The following C1orf87 variants were observed in gnomAD, a reference collection of about 807,000 sequenced individuals.
C1orf87 encodes uncharacterized protein C1orf87.
In C1orf87, 58 loss-of-function variants were observed where a neutral mutation model predicts 60.5. The ratio of observed to expected loss-of-function variants is 0.96; its 90% CI spans 0.78 to 1.19. The LOEUF is 1.19. Among genes scored for constraint, C1orf87 ranks in the 50% most tolerant of loss-of-function variants. The pLI is 0.00. For synonymous variants in C1orf87, 236 were observed against 227.4 expected (o/e 1.04, Z -0.34); for missense variants, 673 against 638.6 (o/e 1.05, Z -0.58).
intron 9 of C1orf87, among the ~76,000 whole-genome samples, chr1:60,005,341 C>A (rs1645036257): frequency 6.6e-6 from 1 of 151,996 alleles, no homozygotes; most frequent in African/African-American, 2.4e-5. Context: ...ATGCTGGGCA[C>A]TATAGGACAG....
intron 2 of C1orf87, among the ~76,000 whole-genome samples, chr1:60,063,574 A>G (rs1203491620): frequency 6.6e-6 from 1 of 151,866 alleles, no homozygotes; most frequent in Non-Finnish European, 1.5e-5. Context: ...TCCTCTCCCC[A>G]TTCCCCACCG....
At chr1:60,055,489 C>T (rs764366488) in intron 2 of C1orf87, 51 bp from the exon 3 acceptor site, 2 of 1,505,226 alleles carry the variant, frequency 1.3e-6, no homozygotes, top group Middle Eastern at 1.7e-4. Context: ...ACTCCTCATA[C>T]ACTAGGCTGG....
At chr1:60,067,773 T>C (rs767790259) in intron 2 of C1orf87, among the ~76,000 whole-genome samples, 28 of 152,076 alleles carry the variant, frequency 1.8e-4, no homozygotes, top group Admixed American at 2.6e-4. Flanking sequence ...TTGCTTTTGG[T>C]AGTTTAGTCA....
At chr1:60,058,118 T>C (rs553234951) in intron 2 of C1orf87, among the ~76,000 whole-genome samples, 1 of 152,350 alleles carries the variant, frequency 6.6e-6, no homozygotes, top group East Asian at 1.9e-4. Context: ...GAAATTTAAA[T>C]TTCATTTGGT....
chr1:60,062,623 T>G (rs911450668), intron 2 of C1orf87, among the ~76,000 whole-genome samples: 23 of 152,300 alleles, frequency 1.5e-4, no homozygotes, highest in Admixed American at 1.4e-3. Flanking sequence ...TCCTTTTTAT[T>G]TCTTCTATTT....
intron 3 of C1orf87, among the ~76,000 whole-genome samples, chr1:60,045,203 G>C (rs1645357480): frequency 6.6e-6 from 1 of 152,128 alleles, no homozygotes; most frequent in African/African-American, 2.4e-5. Context: ...TTTAGACCAA[G>C]GTACTGGGGT....
intron 11 of C1orf87, among the ~76,000 whole-genome samples, chr1:59,993,653 G>A (rs527282625): frequency 6.6e-6 from 1 of 152,046 alleles, no homozygotes; most frequent in East Asian, 1.9e-4. Context: ...CTGTCATTAG[G>A]GGATGCCCAG....
intron 3 of C1orf87, among the ~76,000 whole-genome samples, chr1:60,053,318 C>A (rs1645427779): frequency 1.3e-5 from 2 of 152,192 alleles, no homozygotes. Context: ...TGTGGGTCTG[C>A]CACTTCTCAG....
intron 3 of C1orf87, among the ~76,000 whole-genome samples, chr1:60,044,912 T>G (rs1645355072): frequency 6.6e-6 from 1 of 152,166 alleles, no homozygotes; most frequent in East Asian, 1.9e-4. Flanking sequence ...GATGTTTGCC[T>G]AAAAGAACTG....
chr1:60,029,860 C>T (rs532149494), intron 7 of C1orf87, among the ~76,000 whole-genome samples: 1 of 151,944 alleles, frequency 6.6e-6, no homozygotes, highest in South Asian at 2.1e-4. Flanking sequence ...AGGATGGTCT[C>T]CATCTGTTGA....
At position 60,064,725 on chromosome 1, in the gene C1orf87, T is replaced by G. The variant is rs541430546; in HGVS notation, c.107+7812A>C. Reference sequence around the variant, plus strand: ...TTATTTCAATATATATAAATATATTTAAATATATTTAAATAGAATATTAAA... The same window carrying G: ...TTATTTCAATATATATAAATATATTGAAATATATTTAAATAGAATATTAAA... On this transcript the variant is annotated intron_variant, in intron 2 of 11. Coordinates refer to ENST00000371201, the MANE Select transcript of C1orf87 (RefSeq NM_152377.3). Among the ~76,000 whole-genome samples the G allele has an allele frequency of 1.9e-4, 19 of 99,400 alleles. No homozygotes were observed. In the South Asian group the frequency reaches 5.0e-3, roughly 26 times the overall value. 65.2% of individuals were successfully genotyped at this position (99,400 alleles called of 152,430 possible).
At chr1:60,032,036 G>T (rs969359321) in intron 7 of C1orf87, among the ~76,000 whole-genome samples, 5 of 151,754 alleles carry the variant, frequency 3.3e-5, no homozygotes, top group Admixed American at 2.0e-4. Context: ...TTTTGCCTTT[G>T]CACAGTTGAT....
At chr1:60,047,222 T>C (rs146073813) in intron 3 of C1orf87, among the ~76,000 whole-genome samples, 53 of 152,358 alleles carry the variant, frequency 3.5e-4, no homozygotes, top group African/African-American at 1.3e-3. Context: ...TTGGTTGTTT[T>C]ATTTACTGTT....
intron 9 of C1orf87, among the ~76,000 whole-genome samples, chr1:60,001,764 C>T (rs1043990954): frequency 2.0e-5 from 3 of 152,100 alleles, no homozygotes; most frequent in African/African-American, 7.2e-5. Flanking sequence ...CCAGGCACAA[C>T]CTTTCTCATC....
At chr1:60,042,777 G>A (rs914621096) in intron 3 of C1orf87, among the ~76,000 whole-genome samples, 2 of 152,150 alleles carry the variant, frequency 1.3e-5, no homozygotes, top group African/African-American at 4.8e-5. Flanking sequence ...TCTAGTTTGG[G>A]CCAGGCACTG....
At chr1:60,035,461 A>G (rs1645269342) in intron 6 of C1orf87, among the ~76,000 whole-genome samples, 1 of 152,222 alleles carries the variant, frequency 6.6e-6, no homozygotes, top group Admixed American at 6.5e-5. Context: ...GCCACTGGCA[A>G]TGCTGGAACC....
In C1orf87 at chr1:60,040,890, G is replaced by A. The variant is rs150146373; in HGVS notation, c.483+101C>T. On this transcript the variant is annotated intron_variant, in intron 4 of 11. Transcript: ENST00000371201. The stretch of plus-strand genomic sequence containing the variant: ...TTACAGGTGTAAGCCACTATGACCA[G>A]CCCTCAGACCAACTTATCTTCTGCT... 351 of 1,329,508 alleles carry A rather than the reference G, an allele frequency of 2.6e-4. 1 individual carries two copies. In the African/African-American group the frequency reaches 4.6e-3, roughly 18 times the overall value. 82.4% of individuals were successfully genotyped at this position (1,329,508 alleles called of 1,614,324 possible). A position where few individuals can be genotyped will look rare whatever the true frequency, so the allele number is the denominator to read the frequency against.
At chr1:60,004,304 G>A (rs1008388801) in intron 9 of C1orf87, among the ~76,000 whole-genome samples, 6 of 151,862 alleles carry the variant, frequency 4.0e-5, no homozygotes, top group Non-Finnish European at 5.9e-5. Context: ...AAAAACCTAC[G>A]TAAAATACCT....
At position 60,055,420 on chromosome 1, in the gene C1orf87, C is replaced by T; in HGVS notation, c.126G>A (p.Leu42=). Residue 42 remains leucine, a synonymous_variant, in exon 3 of 12, where the codon TTG becomes TTA. Coordinates refer to ENST00000371201, the MANE Select transcript of C1orf87 (RefSeq NM_152377.3). The part of the protein sequence containing the change: ...EKPKIKENDS[L]KTETQTMHQK... ...GGTGCATTGTTTGGGTTTCTGTTTT[C>T]AAGCTGTCATTCTCCTTGCTGTGAA... The T allele has an allele frequency of 6.2e-7, 1 of 1,614,056 alleles. No homozygotes were observed. The highest frequency in any genetic ancestry group is 8.5e-7 in the Non-Finnish European group (1 of 1,179,972).
Sources: gnomAD v4.1 joint callset for allele counts (sites outside exome capture counted in the v4.1 genomes callset) on GRCh38, gnomAD v4.1.1 for gene constraint, MANE v1.5 for transcripts, NCBI Gene and HGNC (gene_info 2026-07-23, HGNC 2026-07-21) for gene names.